TAFA2: variants seen among roughly 807,000 people sequenced by gnomAD.
The protein encoded by TAFA2 is TAFA chemokine like family member 2.
In TAFA2, 7 loss-of-function variants were observed where a neutral mutation model predicts 18.8. The ratio of observed to expected loss-of-function variants is 0.37; its 90% confidence interval spans 0.21 to 0.70. The LOEUF (loss-of-function observed/expected upper bound fraction) is 0.70, where lower values mean the gene tolerates loss of function less well. TAFA2 is among the 30% of genes least tolerant of loss of function. The pLI, the probability that TAFA2 is intolerant of heterozygous loss-of-function variation, is 0.53. For synonymous variants in TAFA2, 60 were observed against 54.2 expected (o/e 1.11, Z -0.47); for missense variants, 122 against 158.1 (o/e 0.77, Z 1.23).
intron 1 of TAFA2, among the ~76,000 whole-genome samples, chr12:61,949,006 T>C (rs1205580192): frequency 6.6e-6 from 1 of 152,180 alleles, no homozygotes; most frequent in Non-Finnish European, 1.5e-5. Flanking sequence ...GATGGTTAAT[T>C]TTACATGTCA....
intron 4 of TAFA2, among the ~76,000 whole-genome samples, chr12:61,748,713 G>A (rs1868855366): frequency 1.3e-5 from 2 of 152,038 alleles, no homozygotes; most frequent in African/African-American, 4.8e-5. Flanking sequence ...CTTCCTTACA[G>A]TGAAAGGATT....
intron 1 of TAFA2, among the ~76,000 whole-genome samples, chr12:62,017,963 G>A (rs1030819811): frequency 1.3e-5 from 2 of 152,154 alleles, no homozygotes; most frequent in Non-Finnish European, 2.9e-5. Context: ...CCATGGCAAT[G>A]TGCTTTCAAT....
chr12:61,971,535 T>C (rs1879248747), intron 1 of TAFA2, among the ~76,000 whole-genome samples: 1 of 151,536 alleles, frequency 6.6e-6, no homozygotes, highest in African/African-American at 2.4e-5. Flanking sequence ...CATGGAATAC[T>C]ATGCAGCCAT....
intron 1 of TAFA2, among the ~76,000 whole-genome samples, chr12:62,031,623 G>T (rs1245109081): frequency 5.9e-5 from 9 of 152,032 alleles, no homozygotes; most frequent in Admixed American, 5.9e-4. Context: ...GCTCTTGAAG[G>T]CAGACAAAGT....
intron 2 of TAFA2, among the ~76,000 whole-genome samples, chr12:61,808,683 A>C (rs1216300249): frequency 6.6e-6 from 1 of 151,476 alleles, no homozygotes; most frequent in Non-Finnish European, 1.5e-5. Context: ...GCTTTTCAGG[A>C]TGAAAGTAAC....
chr12:62,106,511 G>A (rs1869462122), intron 1 of TAFA2, among the ~76,000 whole-genome samples: 1 of 152,084 alleles, frequency 6.6e-6, no homozygotes, highest in African/African-American at 2.4e-5. Context: ...GAAGGGAAGG[G>A]ATGCTTCGAA....
intron 1 of TAFA2, among the ~76,000 whole-genome samples, chr12:62,155,943 T>A (rs1436677757): frequency 6.6e-6 from 1 of 152,098 alleles, no homozygotes; most frequent in Admixed American, 6.6e-5. Flanking sequence ...GATAAATAAT[T>A]GGGACTTAAT....
intron 1 of TAFA2, among the ~76,000 whole-genome samples, chr12:61,942,146 C>T (rs1407241372): frequency 1.3e-5 from 2 of 149,364 alleles, no homozygotes; most frequent in Non-Finnish European, 3.0e-5. Flanking sequence ...TCCCTGACCC[C>T]TGACCCCCGA....
intron 1 of TAFA2, among the ~76,000 whole-genome samples, chr12:61,949,860 A>C (rs1478938869): frequency 1.3e-5 from 2 of 152,142 alleles, no homozygotes; most frequent in Non-Finnish European, 2.9e-5. Flanking sequence ...TGTGACATAG[A>C]TCTTCAAAAC....
chr12:62,194,154 C>A (rs2062638763), upstream of TAFA2, among the ~76,000 whole-genome samples: 1 of 152,124 alleles, frequency 6.6e-6, no homozygotes, highest in South Asian at 2.1e-4. Context: ...AAACACCTGG[C>A]ACTGTTGCAC....
chr12:61,841,836 CA>C (rs2121126578), intron 2 of TAFA2, among the ~76,000 whole-genome samples: 1 of 152,140 alleles, frequency 6.6e-6, no homozygotes, highest in Non-Finnish European at 1.5e-5. Flanking sequence ...CAAAACATCA[CA>C]TTGTATCACA....
chr12:62,009,969 C>T (rs1880675422), intron 1 of TAFA2, among the ~76,000 whole-genome samples: 1 of 152,172 alleles, frequency 6.6e-6, no homozygotes. Context: ...AGCTACTCCC[C>T]TGCCAGAAAA....
intron 1 of TAFA2, among the ~76,000 whole-genome samples, chr12:62,065,985 C>T (rs115498458): frequency 6.6e-6 from 1 of 151,706 alleles, no homozygotes; most frequent in African/African-American, 2.4e-5. Context: ...GTAGATAAAC[C>T]CTGTCATTTC....
chr12:62,170,597 T>G (rs914609541), intron 1 of TAFA2, among the ~76,000 whole-genome samples: 3 of 152,184 alleles, frequency 2.0e-5, no homozygotes, highest in African/African-American at 4.8e-5. Flanking sequence ...TCTAGATCTA[T>G]TCACCTCAAA....
intron 2 of TAFA2, among the ~76,000 whole-genome samples, chr12:61,758,845 C>T (rs949912639): frequency 5.9e-5 from 9 of 151,964 alleles, no homozygotes; most frequent in Admixed American, 4.6e-4. Context: ...GGATGTGAGT[C>T]ATGATGAGAT....
chr12:61,725,295 C>T (rs541476491), intron 4 of TAFA2, among the ~76,000 whole-genome samples: 1 of 152,012 alleles, frequency 6.6e-6, no homozygotes, highest in East Asian at 1.9e-4. Flanking sequence ...CAATTAAGTC[C>T]CATCAATTTA....
intron 1 of TAFA2, chr12:62,021,476 T>A: frequency 3.8e-6 from 1 of 260,012 alleles, no homozygotes; most frequent in Non-Finnish European, 8.2e-6. Context: ...GCATCATTCT[T>A]TTTTTTTTTT....
intron 1 of TAFA2, among the ~76,000 whole-genome samples, chr12:62,047,714 T>C (rs1222110858): frequency 1.3e-5 from 2 of 152,196 alleles, no homozygotes; most frequent in Admixed American, 6.5e-5. Context: ...TATAAAAGAA[T>C]TGTCATTTTA....
At chr12:62,097,485 T>G (rs1869001938) in intron 1 of TAFA2, among the ~76,000 whole-genome samples, 1 of 152,148 alleles carries the variant, frequency 6.6e-6, no homozygotes, top group Admixed American at 6.5e-5. Flanking sequence ...GAAACTGGCA[T>G]GCAATCAAGT....
Sources: allele counts gnomAD v4.1 joint callset (sites outside exome capture counted in the v4.1 genomes callset), GRCh38; gene constraint gnomAD v4.1.1; transcripts MANE v1.5; gene names NCBI Gene and HGNC (gene_info 2026-07-23, HGNC 2026-07-21).